The following CHN2 variants were observed in gnomAD, a reference collection of about 807,000 sequenced individuals.
CHN2 encodes the protein chimerin 2.
Under a neutral mutation model 56.3 loss-of-function variants are expected in CHN2, and 35 were observed. That is an observed-to-expected ratio of 0.62 (90% CI 0.47 to 0.82). The LOEUF is 0.82. CHN2 is among the 40% of genes least tolerant of loss of function. The probability of loss-of-function intolerance (pLI) is 0.00; values close to 1 mark genes in which losing one functional copy is unlikely to be tolerated. For synonymous variants in CHN2, 210 were observed against 212.8 expected (o/e 0.99, Z 0.12); for missense variants, 491 against 580.5 (o/e 0.85, Z 1.58).
chr7:29,220,939 A>G (rs1286332009), intron 1 of CHN2, among the ~76,000 whole-genome samples: 1 of 152,200 alleles, frequency 6.6e-6, no homozygotes, highest in Non-Finnish European at 1.5e-5. Context: ...ATCAGATGGG[A>G]TTTATTCCAG....
chr7:29,153,926 A>G (rs994314662), intron 2 of CHN2, among the ~76,000 whole-genome samples: 3 of 152,098 alleles, frequency 2.0e-5, no homozygotes, highest in African/African-American at 7.2e-5. Flanking sequence ...TCTTGTAATA[A>G]TATAGTATAT....
chr7:29,398,101 C>A, intron 4 of CHN2: 2 of 255,462 alleles, frequency 7.8e-6, no homozygotes, highest in Admixed American at 5.4e-5. Flanking sequence ...CTTTTTGTTT[C>A]AACTTTCATT....
At chr7:29,463,569 TG>T (rs1207312369) in intron 6 of CHN2, among the ~76,000 whole-genome samples, 1 of 152,200 alleles carries the variant, frequency 6.6e-6, no homozygotes, top group Non-Finnish European at 1.5e-5. Context: ...AGATGTCATT[TG>T]GGGGTAAAGG....
At chr7:29,478,729 T>G (rs1411251421) in intron 6 of CHN2, among the ~76,000 whole-genome samples, 1 of 152,240 alleles carries the variant, frequency 6.6e-6, no homozygotes, top group African/African-American at 2.4e-5. Context: ...CACACCCATA[T>G]GCTGCAGATT....
intron 1 of CHN2, among the ~76,000 whole-genome samples, chr7:29,321,562 CTTTCTTTCTT>C (rs1319260664): frequency 8.4e-6 from 1 of 119,640 alleles, no homozygotes; most frequent in Non-Finnish European, 1.8e-5. Flanking sequence ...TTCTTTCTTT[CTTTCTTTCTT>C]TTTTTTTTTT....
chr7:29,499,978 A>G lies in CHN2; in HGVS notation c.851A>G (p.Lys284Arg). The change falls in exon 9 of 13, where the codon AAG (lysine) becomes AGG (arginine). Residue 284 changes from lysine to arginine, a missense_variant. Transcript: ENST00000222792. Reference sequence around the variant, plus strand: ...TGTTGTGACCTCACAACACTTGTGAAGGCTCACAACACTCAGAGACCCATG... The same window carrying G: ...TGTTGTGACCTCACAACACTTGTGAGGGCTCACAACACTCAGAGACCCATG... ...VYCCDLTTLV[K>R]AHNTQRPMVV... 6.2e-7 allele frequency: 1 copy of G among 1,609,032 alleles called. No individual in the cohort carries two copies.
intron 1 of CHN2, among the ~76,000 whole-genome samples, chr7:29,223,681 A>G (rs977705510): frequency 6.6e-6 from 1 of 151,966 alleles, no homozygotes; most frequent in Non-Finnish European, 1.5e-5. Flanking sequence ...TGATTGATAG[A>G]CTCTTGGGTT....
chr7:29,404,309 A>G (rs1802459896), intron 6 of CHN2, among the ~76,000 whole-genome samples: 1 of 152,236 alleles, frequency 6.6e-6, no homozygotes, highest in African/African-American at 2.4e-5. Flanking sequence ...AATCCAATGC[A>G]TATGACAACA....
chr7:29,208,494 A>G (rs1239285412), intron 1 of CHN2, among the ~76,000 whole-genome samples: 1 of 152,110 alleles, frequency 6.6e-6, no homozygotes, highest in East Asian at 1.9e-4. Flanking sequence ...AAATCTGGCC[A>G]CCCTGGGCAC....
intron 1 of CHN2, among the ~76,000 whole-genome samples, chr7:29,223,557 C>T (rs1260489117): frequency 1.3e-5 from 2 of 152,130 alleles, no homozygotes; most frequent in Non-Finnish European, 2.9e-5. Flanking sequence ...TTTTACTCAA[C>T]ATCCATATGT....
intron 3 of CHN2, among the ~76,000 whole-genome samples, chr7:29,374,923 G>T (rs1366694728): frequency 7.5e-6 from 1 of 133,744 alleles, no homozygotes; most frequent in African/African-American, 2.8e-5. Context: ...TTTCGCTCTC[G>T]TTGGCCCAGG....
intron 6 of CHN2, among the ~76,000 whole-genome samples, chr7:29,443,511 A>ATGTG (rs200495428): frequency 6.6e-6 from 1 of 151,888 alleles, no homozygotes; most frequent in African/African-American, 2.4e-5. Context: ...ATACATGACT[A>ATGTG]TGTGTGTGTG....
At chr7:29,351,549 C>A (rs914788220) in intron 1 of CHN2, among the ~76,000 whole-genome samples, 1 of 152,194 alleles carries the variant, frequency 6.6e-6, no homozygotes, top group Admixed American at 6.5e-5. Context: ...GGCCACTTTA[C>A]AGGAACCTGG....
intron 1 of CHN2, chr7:29,335,946 A>C (rs1252515457): frequency 2.0e-5 from 3 of 152,324 alleles, no homozygotes; most frequent in Admixed American, 2.0e-4. Flanking sequence ...AGGAGAGTAA[A>C]GCTGCCAGGG....
At chr7:29,155,934 A>G (rs1794309016) in intron 2 of CHN2, among the ~76,000 whole-genome samples, 1 of 152,212 alleles carries the variant, frequency 6.6e-6, no homozygotes, top group South Asian at 2.1e-4. Flanking sequence ...CGATAGATCT[A>G]GAGACGGCCA....
At chr7:29,237,317 C>G (rs1787277549) in intron 1 of CHN2, among the ~76,000 whole-genome samples, 1 of 152,106 alleles carries the variant, frequency 6.6e-6, no homozygotes, top group African/African-American at 2.4e-5. Context: ...CTTGCCTTTG[C>G]AGGTCTGTAA....
chr7:29,509,484 T>C (rs561954589), intron 12 of CHN2, 78 bp downstream of exon 12: 432 of 1,082,320 alleles, frequency 4.0e-4, no homozygotes, highest in East Asian at 1.2e-3. Context: ...ACGGCATTCC[T>C]CCCCAGCCAT....
At chr7:29,313,924 G>A (rs1317866637) in intron 1 of CHN2, among the ~76,000 whole-genome samples, 1 of 152,114 alleles carries the variant, frequency 6.6e-6, no homozygotes, top group Non-Finnish European at 1.5e-5. Context: ...TTCCTATTTG[G>A]TTAGAGCCAT....
At chr7:29,276,650 G>A (rs1024750435) in intron 1 of CHN2, among the ~76,000 whole-genome samples, 6 of 152,164 alleles carry the variant, frequency 3.9e-5, no homozygotes, top group South Asian at 2.1e-4. Flanking sequence ...TTGGCACTTC[G>A]TAAGCTCCCA....
Sources: gnomAD v4.1 joint callset for allele counts (sites outside exome capture counted in the v4.1 genomes callset) on GRCh38, gnomAD v4.1.1 for gene constraint, MANE v1.5 for transcripts, NCBI Gene and HGNC (gene_info 2026-07-23, HGNC 2026-07-21) for gene names.